The following TRPM3 variants were observed in gnomAD, a reference collection of about 807,000 sequenced individuals.
TRPM3 encodes transient receptor potential cation channel subfamily M member 3.
Under a neutral mutation model 181.2 loss-of-function variants are expected in TRPM3, and 77 were observed. The ratio of observed to expected loss-of-function variants is 0.42; its 90% confidence interval spans 0.35 to 0.51. TRPM3 has a LOEUF of 0.51. Ranked by LOEUF, TRPM3 falls within the 20% of genes least tolerant of loss-of-function variation. TRPM3 has a pLI of 0.01. For synonymous variants in TRPM3, 745 were observed against 796.4 expected, an observed-to-expected ratio of 0.94 and a Z score of 1.09; for missense variants, 1,759 against 2,196.7, an observed-to-expected ratio of 0.80 and a Z score of 3.98.
chr9:71,284,161 C>G (rs1288646972), intron 1 of TRPM3, among the ~76,000 whole-genome samples: 1 of 152,160 alleles, frequency 6.6e-6, no homozygotes, highest in Non-Finnish European at 1.5e-5. Context: ...AGTACATGCA[C>G]TAGCATGATA....
chr9:71,060,566 G>A (rs770478081), intron 1 of TRPM3, among the ~76,000 whole-genome samples: 35 of 152,268 alleles, frequency 2.3e-4, no homozygotes, highest in Non-Finnish European at 4.3e-4. Flanking sequence ...GTAACCCTAT[G>A]TGGAAACCTT....
At chr9:71,015,938 T>C (rs1194339866) in intron 1 of TRPM3, among the ~76,000 whole-genome samples, 1 of 152,084 alleles carries the variant, frequency 6.6e-6, no homozygotes, top group Non-Finnish European at 1.5e-5. Flanking sequence ...GGCTTACACC[T>C]GTAATCCCAG....
intron 1 of TRPM3, among the ~76,000 whole-genome samples, chr9:71,254,066 C>G (rs984259432): frequency 2.0e-5 from 3 of 152,076 alleles, no homozygotes; most frequent in African/African-American, 7.2e-5. Flanking sequence ...ACTACAGGTG[C>G]CTGCCACCAT....
chr9:71,127,292 A>AACACACACAC (rs60199233), intron 1 of TRPM3, among the ~76,000 whole-genome samples: 21 of 143,836 alleles, frequency 1.5e-4, no homozygotes, highest in Admixed American at 3.5e-4. Flanking sequence ...AGCTGACCAA[A>AACACACACAC]ACACACACAC....
chr9:70,755,031 T>A (rs920815479), intron 8 of TRPM3, among the ~76,000 whole-genome samples: 1 of 152,154 alleles, frequency 6.6e-6, no homozygotes. Context: ...ACATAAGTAG[T>A]CCCTCAAAAT....
chr9:70,782,476 T>G (rs11142588), intron 7 of TRPM3, among the ~76,000 whole-genome samples: 24,218 of 152,124 alleles, frequency 0.16, 2,416 homozygotes, highest in East Asian at 0.39. Context: ...CCTCCCAAAG[T>G]GCTGGGATTA....
chr9:70,579,643 A>G (rs1294731205), intron 22 of TRPM3, among the ~76,000 whole-genome samples: 1 of 152,202 alleles, frequency 6.6e-6, no homozygotes, highest in South Asian at 2.1e-4. Flanking sequence ...AGCTGCAGCT[A>G]GGAAGCCCGT....
intron 1 of TRPM3, among the ~76,000 whole-genome samples, chr9:71,249,319 C>T (rs577280317): frequency 6.6e-6 from 1 of 152,204 alleles, no homozygotes; most frequent in African/African-American, 2.4e-5. Flanking sequence ...CACTATAAAA[C>T]CAAACTCTAC....
intron 1 of TRPM3, among the ~76,000 whole-genome samples, chr9:71,276,132 C>T (rs2084195439): frequency 1.3e-5 from 2 of 152,170 alleles, no homozygotes; most frequent in South Asian, 4.1e-4. Context: ...TGAGCCACTG[C>T]ACCCGGCTGA....
At chr9:71,420,733 G>A (rs1388800349) in intron 1 of TRPM3, among the ~76,000 whole-genome samples, 1 of 54,980 alleles carries the variant, frequency 1.8e-5, no homozygotes, top group African/African-American at 7.1e-5. Flanking sequence ...GAGAGAGAGA[G>A]AGAAAGAGAG....
At chr9:71,031,186 G>A (rs899469266) in intron 1 of TRPM3, among the ~76,000 whole-genome samples, 2 of 152,172 alleles carry the variant, frequency 1.3e-5, no homozygotes, top group African/African-American at 4.8e-5. Flanking sequence ...GTTTAGGAAA[G>A]ATGTTCATTC....
chr9:71,316,328 C>T lies in TRPM3; in HGVS notation c.183+130325G>A, dbSNP rs76947779. Among the ~76,000 whole-genome samples the T allele has an allele frequency of 1.6e-3, 246 of 152,250 alleles. 1 individual carries two copies. Among genetic ancestry groups the T allele is most frequent in the Non-Finnish European group, 2.6e-3 (178 of 68,020 alleles). On this transcript the variant is annotated intron_variant, in intron 1 of 24. Transcript: ENST00000357533. ...ATCTGTCTCTGCCCTTGGTTACTCCCTAACTGTTCTAGTATTTTACCCAAT... is the reference window on the plus strand; with the variant it reads ...ATCTGTCTCTGCCCTTGGTTACTCCTTAACTGTTCTAGTATTTTACCCAAT...
chr9:71,389,293 C>T (rs1258549056), intron 1 of TRPM3, among the ~76,000 whole-genome samples: 1 of 151,810 alleles, frequency 6.6e-6, no homozygotes, highest in African/African-American at 2.4e-5. Flanking sequence ...CCCCTTAACT[C>T]CTGTATGAAT....
chr9:70,698,481 T>G (rs1436947141), intron 8 of TRPM3, among the ~76,000 whole-genome samples: 2 of 152,202 alleles, frequency 1.3e-5, no homozygotes, highest in African/African-American at 4.8e-5. Context: ...GTACACTAAG[T>G]ACTTAGCATA....
At chr9:71,049,560 G>C (rs1328374163) in intron 1 of TRPM3, among the ~76,000 whole-genome samples, 1 of 152,108 alleles carries the variant, frequency 6.6e-6, no homozygotes, top group African/African-American at 2.4e-5. Context: ...GGGGGAAAAG[G>C]GTGGCCTAAG....
rs145289033 is a variant in TRPM3 at position 71,053,898 on chromosome 9, C to A, written c.177+67280G>T. Among the ~76,000 whole-genome samples, 10 of 152,172 alleles carry A rather than the reference C, an allele frequency of 6.6e-5. No individual in the cohort carries two copies. In the East Asian group the frequency reaches 1.7e-3, roughly 27 times the overall value. On this transcript the variant is annotated intron_variant, in intron 1 of 25. Coordinates refer to ENST00000677713, the MANE Select transcript of TRPM3 (RefSeq NM_001366145.2). ...TCGGGATCCTTCAGACACTGGAGTA[C>A]AAAAGCCTCCAGGCAACTCAAGAGC...
At chr9:71,057,560 G>A (rs1250639181) in intron 1 of TRPM3, among the ~76,000 whole-genome samples, 1 of 152,030 alleles carries the variant, frequency 6.6e-6, no homozygotes, top group Non-Finnish European at 1.5e-5. Context: ...TATTTAAAGA[G>A]TGCCTATGAT....
intron 1 of TRPM3, among the ~76,000 whole-genome samples, chr9:71,183,890 C>T (rs914374079): frequency 1.3e-5 from 2 of 152,030 alleles, no homozygotes; most frequent in Non-Finnish European, 2.9e-5. Context: ...GAAGAAAGCA[C>T]GGTTAAAATC....
At chr9:70,609,840 C>G (rs763571110) in intron 19 of TRPM3, among the ~76,000 whole-genome samples, 25 of 152,066 alleles carry the variant, frequency 1.6e-4, no homozygotes, top group Non-Finnish European at 1.6e-4. Flanking sequence ...GATGCACTAT[C>G]CTTCATCTGG....
Sources: allele counts gnomAD v4.1 joint callset (sites outside exome capture counted in the v4.1 genomes callset), GRCh38; gene constraint gnomAD v4.1.1; transcripts MANE v1.5; gene names NCBI Gene and HGNC (gene_info 2026-07-23, HGNC 2026-07-21).